Variants in DRAM1 observed in about 807,000 individuals in gnomAD.
The protein encoded by DRAM1 is DNA damage-regulated autophagy modulator protein 1.
Under a neutral mutation model 28.5 loss-of-function variants are expected in DRAM1, and 25 were observed. That is an observed-to-expected ratio of 0.88 (90% confidence interval 0.64 to 1.23). The LOEUF is 1.23. DRAM1 is among the 50% of genes most tolerant of loss of function. The pLI is 0.00. For synonymous variants in DRAM1, 113 were observed against 114.2 expected, an observed-to-expected ratio of 0.99 and a Z score of 0.07; for missense variants, 249 against 299.2, an observed-to-expected ratio of 0.83 and a Z score of 1.24.
chr12:101,921,009 A>G (rs1874461694), intron 6 of DRAM1, among the ~76,000 whole-genome samples: 1 of 152,228 alleles, frequency 6.6e-6, no homozygotes, highest in African/African-American at 2.4e-5. Context: ...AGATTTGTCC[A>G]CAGGAAAAAT....
chr12:101,878,934 G>T (rs1033621946), intron 1 of DRAM1, among the ~76,000 whole-genome samples: 3 of 151,976 alleles, frequency 2.0e-5, no homozygotes, highest in Admixed American at 6.6e-5. Flanking sequence ...TGGGGGTGGG[G>T]GTGAGGAGTG....
chr12:101,919,318 T>G (rs1874384244), intron 5 of DRAM1, among the ~76,000 whole-genome samples: 1 of 151,882 alleles, frequency 6.6e-6, no homozygotes, highest in African/African-American at 2.4e-5. Context: ...TTTTGTTTTT[T>G]TAAACCCCTT....
chr12:101,908,720 TG>T (rs1177215311), intron 4 of DRAM1, among the ~76,000 whole-genome samples: 1 of 150,550 alleles, frequency 6.6e-6, no homozygotes, highest in Non-Finnish European at 1.5e-5. Flanking sequence ...GATATGAGGG[TG>T]GGGGGTCCTT....
intron 5 of DRAM1, among the ~76,000 whole-genome samples, chr12:101,917,276 G>T (rs924288585): frequency 1.3e-5 from 2 of 152,230 alleles, no homozygotes; most frequent in Non-Finnish European, 2.9e-5. Context: ...CACCAGGGTG[G>T]CTAGAGGAGA....
chr12:101,891,736 G>A (rs1262983100), intron 1 of DRAM1, among the ~76,000 whole-genome samples: 1 of 152,216 alleles, frequency 6.6e-6, no homozygotes, highest in African/African-American at 2.4e-5. Flanking sequence ...ACAGTTTCCA[G>A]AAAGTGCCTT....
intron 3 of DRAM1, among the ~76,000 whole-genome samples, chr12:101,904,434 T>G (rs1873723342): frequency 1.5e-5 from 1 of 64,756 alleles, no homozygotes; most frequent in African/African-American, 1.5e-4. Context: ...GGGGTTTTTT[T>G]TTTTTTTTTT....
At chr12:101,919,976 G>A (rs766437307) in intron 5 of DRAM1, 133 bp from the exon 6 acceptor site, 10 of 512,446 alleles carry the variant, frequency 2.0e-5, no homozygotes, top group Non-Finnish European at 3.0e-5. Flanking sequence ...TGTGCTTACC[G>A]TATATCCTCA....
chr12:101,890,092 T>C (rs1372589006), intron 1 of DRAM1: 1 of 452,110 alleles, frequency 2.2e-6, no homozygotes, highest in African/African-American at 2.0e-5. Context: ...TTTTATTTAT[T>C]TTTTGAGATG....
At chr12:101,895,532 A>G (rs1566123990) in intron 1 of DRAM1, among the ~76,000 whole-genome samples, 1 of 149,018 alleles carries the variant, frequency 6.7e-6, no homozygotes, top group Admixed American at 6.7e-5. Flanking sequence ...AATTGAATTA[A>G]TTTGGAATAA....
rs144783720 is a variant in DRAM1, at chr12:101,915,201, G to C, written c.579+969G>C. On this transcript the variant is annotated intron_variant, in intron 5 of 6. Transcript: ENST00000258534. ...TCACCGTATTAGCCAGGATGGTCTC[G>C]ATCTCCTGACCTCGTGATCTGCCCA... Among the ~76,000 whole-genome samples the C allele has an allele frequency of 5.3e-5, 8 of 151,796 alleles. No individual in the cohort carries two copies. The South Asian group carries it at 1.0e-3, about 20-fold the overall frequency.
chr12:101,896,008 T>C (rs1357882618), intron 1 of DRAM1, among the ~76,000 whole-genome samples: 1 of 152,166 alleles, frequency 6.6e-6, no homozygotes, highest in African/African-American at 2.4e-5. Context: ...TGCCTCAGCC[T>C]CCTGAGTAGC....
At chr12:101,908,893 C>CA (rs56843086) in intron 4 of DRAM1, among the ~76,000 whole-genome samples, 11,478 of 70,730 alleles carry the variant, frequency 0.16, 736 homozygotes, top group Non-Finnish European at 0.18. Flanking sequence ...TCCCCACAAC[C>CA]AAAAAAAAAA....
intron 3 of DRAM1, among the ~76,000 whole-genome samples, chr12:101,901,734 C>G (rs1873610942): frequency 6.6e-6 from 1 of 152,022 alleles, no homozygotes; most frequent in East Asian, 1.9e-4. Context: ...ACAAAATTAG[C>G]CAGGTGTGGC....
At chr12:101,909,368 A>G (rs530910150) in intron 4 of DRAM1, among the ~76,000 whole-genome samples, 9 of 152,296 alleles carry the variant, frequency 5.9e-5, no homozygotes, top group African/African-American at 2.2e-4. Context: ...AAAATGTAGG[A>G]ACACTTTAGT....
chr12:101,916,059 C>G (rs959536142), intron 5 of DRAM1, among the ~76,000 whole-genome samples: 2 of 152,134 alleles, frequency 1.3e-5, no homozygotes, highest in Non-Finnish European at 1.5e-5. Context: ...CATGATGAAT[C>G]AAAGATGACT....
chr12:101,888,423 G>T (rs1872967451), intron 1 of DRAM1, among the ~76,000 whole-genome samples: 1 of 152,146 alleles, frequency 6.6e-6, no homozygotes, highest in Non-Finnish European at 1.5e-5. Flanking sequence ...GAGCCACTGT[G>T]CCTGGCCGAA....
At chr12:101,906,428 G>A (rs1873811338) in intron 3 of DRAM1, among the ~76,000 whole-genome samples, 1 of 152,122 alleles carries the variant, frequency 6.6e-6, no homozygotes, top group Non-Finnish European at 1.5e-5. Flanking sequence ...GGTGGCCTGT[G>A]GCCAAAACCA....
At chr12:101,901,663 T>G in intron 3 of DRAM1, 1 of 476,772 alleles carries the variant, frequency 2.1e-6, no homozygotes, top group Non-Finnish European at 3.7e-6. Flanking sequence ...AGGTGGATCA[T>G]GAGACCAGGA....
chr12:101,918,735 A>G (rs1348212375), intron 5 of DRAM1, among the ~76,000 whole-genome samples: 4 of 152,146 alleles, frequency 2.6e-5, no homozygotes, highest in Admixed American at 2.6e-4. Context: ...CAGCCCATGT[A>G]TGCAGCTTCA....
Sources: gnomAD v4.1 joint callset for allele counts (sites outside exome capture counted in the v4.1 genomes callset) on GRCh38, gnomAD v4.1.1 for gene constraint, MANE v1.5 for transcripts, NCBI Gene and HGNC (gene_info 2026-07-23, HGNC 2026-07-21) for gene names.